The following TMEM132D variants were observed in gnomAD, a reference collection of about 807,000 sequenced individuals.
TMEM132D encodes the protein mature OL transmembrane protein.
In TMEM132D, 21 loss-of-function variants were observed where a neutral mutation model predicts 62.3. That is an observed-to-expected ratio of 0.34 (90% confidence interval 0.24 to 0.49). The LOEUF (loss-of-function observed/expected upper bound fraction) is 0.49. TMEM132D is among the 20% of genes least tolerant of loss of function. TMEM132D has a pLI of 0.99. For missense variants in TMEM132D, 1,346 were observed against 1,402.8 expected (o/e 0.96, Z 0.65); for synonymous variants, 621 against 575.6 (o/e 1.08, Z -1.13).
intron 4 of TMEM132D, among the ~76,000 whole-genome samples, chr12:129,332,046 A>G (rs772242060): frequency 6.6e-6 from 1 of 152,182 alleles, no homozygotes; most frequent in Non-Finnish European, 1.5e-5. Context: ...CCCCATCTCT[A>G]CTAAAATATA....
At chr12:129,344,858 T>G (rs1308407711) in intron 3 of TMEM132D, among the ~76,000 whole-genome samples, 1 of 152,020 alleles carries the variant, frequency 6.6e-6, no homozygotes, top group Non-Finnish European at 1.5e-5. Context: ...GCAAAAAGCA[T>G]TGATGGCTCC....
At chr12:129,413,782 T>C (rs1872036767) in intron 3 of TMEM132D, among the ~76,000 whole-genome samples, 1 of 152,198 alleles carries the variant, frequency 6.6e-6, no homozygotes, top group South Asian at 2.1e-4. Context: ...AATCAAACCA[T>C]ATGGTAAATT....
At chr12:129,454,734 C>T (rs1185300344) in intron 3 of TMEM132D, among the ~76,000 whole-genome samples, 1 of 152,174 alleles carries the variant, frequency 6.6e-6, no homozygotes, top group African/African-American at 2.4e-5. Context: ...AGAACTGATT[C>T]CACCATAAGA....
chr12:129,207,065 TAATA>T (rs1878869901), intron 5 of TMEM132D, among the ~76,000 whole-genome samples: 6 of 152,032 alleles, frequency 3.9e-5, no homozygotes, highest in Admixed American at 3.3e-4. Context: ...GGTGACCTAT[TAATA>T]TATAACAAAC....
chr12:129,195,942 C>T (rs143341432), intron 5 of TMEM132D, among the ~76,000 whole-genome samples: 290 of 152,176 alleles, frequency 1.9e-3, no homozygotes, highest in African/African-American at 6.6e-3. Flanking sequence ...GCTGGGCCAA[C>T]GTGGTGAAAC....
At chr12:129,363,671 G>A (rs958851001) in intron 3 of TMEM132D, among the ~76,000 whole-genome samples, 1 of 152,164 alleles carries the variant, frequency 6.6e-6, no homozygotes, top group Admixed American at 6.5e-5. Context: ...GCTATGCCAC[G>A]TCTATGATCA....
At chr12:129,719,096 A>AAAAAAG (rs1555227254) in intron 1 of TMEM132D, among the ~76,000 whole-genome samples, 4 of 144,432 alleles carry the variant, frequency 2.8e-5, no homozygotes, top group African/African-American at 5.1e-5. Context: ...AAAAAAAAAA[A>AAAAAAG]AAAGAAAAAA....
chr12:129,202,302 CT>C (rs1878727531), intron 5 of TMEM132D, among the ~76,000 whole-genome samples: 1 of 152,202 alleles, frequency 6.6e-6, no homozygotes, highest in Admixed American at 6.5e-5. Context: ...GGCTTTCTTT[CT>C]TAACAGCCTC....
intron 1 of TMEM132D, among the ~76,000 whole-genome samples, chr12:129,811,198 G>A (rs1872166810): frequency 6.6e-6 from 1 of 150,440 alleles, no homozygotes. Flanking sequence ...CTGGATTTAT[G>A]TAAAAATGTA....
chr12:129,687,279 T>A (rs1880952959), intron 2 of TMEM132D, among the ~76,000 whole-genome samples: 1 of 152,162 alleles, frequency 6.6e-6, no homozygotes, highest in Non-Finnish European at 1.5e-5. Context: ...TGTATGCAGG[T>A]ACAAATGTCA....
chr12:129,464,887 G>C (rs1873830188), intron 3 of TMEM132D, among the ~76,000 whole-genome samples: 1 of 151,738 alleles, frequency 6.6e-6, no homozygotes, highest in South Asian at 2.1e-4. Context: ...TTGTAGTATA[G>C]TTTGAAGTCA....
intron 5 of TMEM132D, among the ~76,000 whole-genome samples, chr12:129,179,013 C>T (rs1163725056): frequency 5.9e-5 from 9 of 152,136 alleles, no homozygotes; most frequent in Non-Finnish European, 1.5e-5. Context: ...ATCATACAGC[C>T]ACAAATCACA....
intron 2 of TMEM132D, among the ~76,000 whole-genome samples, chr12:129,605,045 T>C (rs1160635356): frequency 1.3e-5 from 2 of 152,216 alleles, no homozygotes; most frequent in Non-Finnish European, 2.9e-5. Context: ...TAGATATGCA[T>C]AAAAGTAAGT....
intron 1 of TMEM132D, among the ~76,000 whole-genome samples, chr12:129,727,123 T>G (rs1184537427): frequency 6.6e-6 from 1 of 152,274 alleles, no homozygotes. Flanking sequence ...TTTTTTATTT[T>G]GATGTATGAT....
At chr12:129,388,984 T>C (rs1871220284) in intron 3 of TMEM132D, among the ~76,000 whole-genome samples, 4 of 129,716 alleles carry the variant, frequency 3.1e-5, no homozygotes, top group African/African-American at 1.1e-4. Flanking sequence ...CATCCTAATA[T>C]AAACACTAAC....
At chr12:129,266,005 A>G (rs1266515646) in intron 4 of TMEM132D, among the ~76,000 whole-genome samples, 1 of 152,092 alleles carries the variant, frequency 6.6e-6, no homozygotes. Context: ...TAGGTGCCCA[A>G]TAAATAGGTG....
intron 4 of TMEM132D, among the ~76,000 whole-genome samples, chr12:129,279,814 C>A (rs925646813): frequency 1.3e-5 from 2 of 152,188 alleles, no homozygotes; most frequent in African/African-American, 4.8e-5. Context: ...TTTACGCAGC[C>A]ACGTGCAATT....
intron 1 of TMEM132D, among the ~76,000 whole-genome samples, chr12:129,707,488 G>A (rs1881534619): frequency 6.6e-6 from 1 of 152,080 alleles, no homozygotes; most frequent in Non-Finnish European, 1.5e-5. Context: ...CAGTAGCATA[G>A]AGGGGCTGTC....
chr12:129,887,684 G>A (rs1874790492), intron 1 of TMEM132D, among the ~76,000 whole-genome samples: 1 of 152,068 alleles, frequency 6.6e-6, no homozygotes, highest in Non-Finnish European at 1.5e-5. Context: ...ATTACTTTAA[G>A]ATAGTAAAAA....
Sources: gnomAD v4.1 joint callset for allele counts (sites outside exome capture counted in the v4.1 genomes callset) on GRCh38, gnomAD v4.1.1 for gene constraint, MANE v1.5 for transcripts, NCBI Gene and HGNC (gene_info 2026-07-23, HGNC 2026-07-21) for gene names.